Variants in DLGAP2 observed in about 807,000 individuals in gnomAD.
The protein encoded by DLGAP2 is DLG associated protein 2.
Under a neutral mutation model 100.3 loss-of-function variants are expected in DLGAP2, and 26 were observed. That is an observed-to-expected ratio of 0.26 (90% CI 0.19 to 0.36). DLGAP2 has a LOEUF of 0.36. DLGAP2 is among the 10% of genes least tolerant of loss of function. The pLI is 1.00. For synonymous variants in DLGAP2, 886 were observed against 630.1 expected (o/e 1.41, Z -6.08); for missense variants, 1,858 against 1,453.2 (o/e 1.28, Z -4.53).
At chr8:1,339,429 G>T (rs997426995) in intron 3 of DLGAP2, among the ~76,000 whole-genome samples, 3 of 152,222 alleles carry the variant, frequency 2.0e-5, no homozygotes, top group Non-Finnish European at 4.4e-5. Flanking sequence ...CAGCAAGAAG[G>T]TGATTCCTGG....
chr8:1,322,181 T>A (rs1563082236), intron 3 of DLGAP2, among the ~76,000 whole-genome samples: 1 of 152,244 alleles, frequency 6.6e-6, no homozygotes, highest in Non-Finnish European at 1.5e-5. Flanking sequence ...GTGAATTCTT[T>A]AATTTTGAAT....
intron 1 of DLGAP2, among the ~76,000 whole-genome samples, chr8:905,243 G>A (rs1036278001): frequency 3.3e-5 from 5 of 152,116 alleles, no homozygotes; most frequent in Non-Finnish European, 7.4e-5. Context: ...ACCATCCGAC[G>A]AGATCCCAGG....
At chr8:1,195,176 A>G (rs1255607103) in intron 2 of DLGAP2, among the ~76,000 whole-genome samples, 2 of 152,224 alleles carry the variant, frequency 1.3e-5, no homozygotes, top group East Asian at 1.9e-4. Context: ...TGAAGAGACG[A>G]GGGTGTCAGG....
chr8:1,567,874 T>C (rs1311738329), intron 6 of DLGAP2, among the ~76,000 whole-genome samples: 1 of 152,220 alleles, frequency 6.6e-6, no homozygotes, highest in Non-Finnish European at 1.5e-5. Flanking sequence ...GGGAGTTCAC[T>C]CACCAACAGC....
intron 1 of DLGAP2, among the ~76,000 whole-genome samples, chr8:819,356 G>C (rs1269140122): frequency 1.3e-5 from 2 of 152,206 alleles, no homozygotes; most frequent in Non-Finnish European, 1.5e-5. Context: ...AAAGAGAAAT[G>C]GCAGGAAACT....
chr8:916,605 A>T (rs1421019729), intron 2 of DLGAP2, among the ~76,000 whole-genome samples: 1 of 152,238 alleles, frequency 6.6e-6, no homozygotes, highest in Non-Finnish European at 1.5e-5. Flanking sequence ...ATGTATACAT[A>T]TGTAACAAAC....
At chr8:867,920 A>G (rs1480810627) in intron 1 of DLGAP2, among the ~76,000 whole-genome samples, 4 of 152,210 alleles carry the variant, frequency 2.6e-5, no homozygotes, top group Non-Finnish European at 5.9e-5. Context: ...CAGTTGTGCC[A>G]ATTTTATACT....
chr8:1,098,996 T>G (rs1804492603), intron 2 of DLGAP2, among the ~76,000 whole-genome samples: 1 of 152,222 alleles, frequency 6.6e-6, no homozygotes, highest in African/African-American at 2.4e-5. Context: ...TCTGTTCGTT[T>G]GGAAAAGGGT....
chr8:1,507,285 C>A (rs1335739572), intron 4 of DLGAP2, among the ~76,000 whole-genome samples: 1 of 152,222 alleles, frequency 6.6e-6, no homozygotes, highest in East Asian at 1.9e-4. Flanking sequence ...GGCTGCAGGT[C>A]CCGAGCCCTG....
At chr8:1,508,035 G>A (rs1195071672) in intron 4 of DLGAP2, among the ~76,000 whole-genome samples, 1 of 151,918 alleles carries the variant, frequency 6.6e-6, no homozygotes, top group African/African-American at 2.4e-5. Flanking sequence ...GTCATTGTCA[G>A]TTAATCACAT....
intron 2 of DLGAP2, among the ~76,000 whole-genome samples, chr8:1,253,201 C>G (rs1216031059): frequency 6.6e-6 from 1 of 152,222 alleles, no homozygotes. Context: ...AGCTTGGCTT[C>G]GTCCTGAGGA....
chr8:1,440,268 G>A (rs1188690856), intron 3 of DLGAP2, among the ~76,000 whole-genome samples: 2 of 152,290 alleles, frequency 1.3e-5, no homozygotes, highest in Non-Finnish European at 2.9e-5. Flanking sequence ...TTCTCCTTTA[G>A]CATACTTTTA....
intron 1 of DLGAP2, among the ~76,000 whole-genome samples, chr8:764,659 C>G (rs983452802): frequency 5.3e-5 from 8 of 152,134 alleles, no homozygotes; most frequent in African/African-American, 1.4e-4. Context: ...TTAGATACAT[C>G]AGTAACCTCT....
At chr8:900,556 C>A (rs112429250) in intron 1 of DLGAP2, among the ~76,000 whole-genome samples, 2 of 152,190 alleles carry the variant, frequency 1.3e-5, no homozygotes, top group African/African-American at 4.8e-5. Context: ...TAGTTTTAAA[C>A]CACATGGTAC....
At chr8:1,267,569 AAAAT>A in intron 3 of DLGAP2, among the ~76,000 whole-genome samples, 1 of 50,794 alleles carries the variant, frequency 2.0e-5, no homozygotes, top group African/African-American at 9.2e-5. Context: ...AAAATAAAAT[AAAAT>A]AAAATAAAAT....
chr8:909,148 C>G (rs115640772), intron 2 of DLGAP2, among the ~76,000 whole-genome samples: 49 of 152,330 alleles, frequency 3.2e-4, no homozygotes, highest in Non-Finnish European at 3.4e-4. Flanking sequence ...AAGTGTGTCT[C>G]AGCTACGAGT....
At chr8:1,389,397 G>T (rs562651010) in intron 3 of DLGAP2, among the ~76,000 whole-genome samples, 1 of 152,226 alleles carries the variant, frequency 6.6e-6, no homozygotes, top group Admixed American at 6.5e-5. Context: ...AGAGGTCAGA[G>T]AAAGTGGCGA....
chr8:743,716 A>G (rs1446260881), intron 1 of DLGAP2, among the ~76,000 whole-genome samples: 1 of 152,142 alleles, frequency 6.6e-6, no homozygotes, highest in African/African-American at 2.4e-5. Flanking sequence ...GGCGTGCACC[A>G]CCACACCCAG....
intron 3 of DLGAP2, among the ~76,000 whole-genome samples, chr8:1,320,177 A>G (rs1192402851): frequency 6.6e-6 from 1 of 151,996 alleles, no homozygotes; most frequent in Non-Finnish European, 1.5e-5. Context: ...TTGAGTCCTT[A>G]GTCATGGTGG....
Sources: allele counts gnomAD v4.1 joint callset (sites outside exome capture counted in the v4.1 genomes callset), GRCh38; gene constraint gnomAD v4.1.1; transcripts MANE v1.5; gene names NCBI Gene and HGNC (gene_info 2026-07-23, HGNC 2026-07-21).